MTPN: variants seen among roughly 807,000 people sequenced by gnomAD.
The protein encoded by MTPN is granule cell differentiation protein.
Under a neutral mutation model 13.5 loss-of-function variants are expected in MTPN, and 2 were observed. That is an observed-to-expected ratio of 0.15 (90% CI 0.06 to 0.47). MTPN has a LOEUF of 0.47. Among genes scored for constraint, MTPN ranks in the 20% least tolerant of loss-of-function variants. The pLI, the probability that MTPN is intolerant of heterozygous loss-of-function variation, is 0.97. For synonymous variants in MTPN, 46 were observed against 51.7 expected (o/e 0.89, Z 0.48); for missense variants, 79 against 137.9 (o/e 0.57, Z 2.14).
chr7:135,951,723 G>A (rs1035601666), intron 1 of MTPN, 93 bp from the exon 2 acceptor site: 27 of 733,506 alleles, frequency 3.7e-5, no homozygotes, highest in Admixed American at 8.2e-5. Flanking sequence ...TCTTAAAGCC[G>A]TGAGAGTTTC....
Position 135,927,209 on chromosome 7 carries a change from CCTA to C in MTPN, c.*2714_*2716del, listed in dbSNP as rs1168566711. 3.5e-6 allele frequency: 4 copies of C among 1,152,724 alleles called. No homozygotes were observed. The African/African-American group carries it at 6.3e-5, about 18-fold the overall frequency. 71.4% of individuals were successfully genotyped at this position (1,152,724 alleles called of 1,614,324 possible). A position where few individuals can be genotyped will look rare whatever the true frequency, so the allele number is the denominator to read the frequency against. ...GGAAAAGATATCAATGAATAAAAGGCCTACTTGTTTGCAGCTTCCACACACTGC... is the reference window on the plus strand; with the variant it reads ...GGAAAAGATATCAATGAATAAAAGGCCTTGTTTGCAGCTTCCACACACTGC... On this transcript the variant is annotated 3_prime_UTR_variant, in exon 4 of 4. Coordinates refer to ENST00000393085, the MANE Select transcript of MTPN (RefSeq NM_145808.4).
At chr7:135,962,752 A>G (rs1799544992) in intron 1 of MTPN, among the ~76,000 whole-genome samples, 1 of 152,054 alleles carries the variant, frequency 6.6e-6, no homozygotes, top group African/African-American at 2.4e-5. Context: ...TCACTAGATT[A>G]GTACTTCTTA....
At chr7:135,959,232 T>C (rs1425703164) in intron 1 of MTPN, among the ~76,000 whole-genome samples, 3 of 152,190 alleles carry the variant, frequency 2.0e-5, no homozygotes, top group African/African-American at 7.2e-5. Flanking sequence ...ATTCTAGACA[T>C]GCAATAAATA....
At chr7:135,934,156 C>A (rs746053450) in intron 3 of MTPN, among the ~76,000 whole-genome samples, 4 of 152,064 alleles carry the variant, frequency 2.6e-5, no homozygotes, top group African/African-American at 7.3e-5. Context: ...ATTCATGAAC[C>A]AATCTGTTAC....
intron 1 of MTPN, among the ~76,000 whole-genome samples, chr7:135,957,380 G>A (rs1347409787): frequency 1.3e-5 from 2 of 151,928 alleles, no homozygotes; most frequent in African/African-American, 4.8e-5. Context: ...GAAAGTCTAT[G>A]TGAAATTCTA....
intron 1 of MTPN, among the ~76,000 whole-genome samples, chr7:135,959,206 T>C (rs1162325124): frequency 1.3e-5 from 2 of 148,954 alleles, no homozygotes; most frequent in East Asian, 1.9e-4. Flanking sequence ...GGATGTACCA[T>C]AGTTTACTTA....
chr7:135,954,176 G>C (rs1015087668), intron 1 of MTPN, among the ~76,000 whole-genome samples: 1 of 152,142 alleles, frequency 6.6e-6, no homozygotes, highest in Non-Finnish European at 1.5e-5. Flanking sequence ...GATAACCTAT[G>C]CAGTGTTTAG....
chr7:135,930,055 G>C, intron 3 of MTPN, 43 bp from the exon 4 acceptor site: 1 of 1,529,242 alleles, frequency 6.5e-7, no homozygotes, highest in Non-Finnish European at 9.0e-7. Context: ...GCCCACAACT[G>C]GGGGAAGGGA....
At chr7:135,955,548 C>A (rs1018248786) in intron 1 of MTPN, among the ~76,000 whole-genome samples, 1 of 152,060 alleles carries the variant, frequency 6.6e-6, no homozygotes, top group Non-Finnish European at 1.5e-5. Context: ...AAAATGGAAG[C>A]GATGGGATGT....
At chr7:135,956,806 TA>T (rs2116385930) in intron 1 of MTPN, among the ~76,000 whole-genome samples, 1 of 152,280 alleles carries the variant, frequency 6.6e-6, no homozygotes, top group South Asian at 2.1e-4. Flanking sequence ...GCTCTTCCAC[TA>T]AAAAAGCAAA....
rs566837974 is a variant in MTPN at position 135,968,651 on chromosome 7, ATCC to A, written c.72+8375_72+8377del. On this transcript the variant is annotated intron_variant, in intron 1 of 3. Transcript: ENST00000393085. ...ATGGCACATTCTCACAGTGCATGAC[ATCC>A]TCCTAAGATGATTCATAAAGAATTA... Among the ~76,000 whole-genome samples the A allele has an allele frequency of 2.7e-3, 404 of 152,016 alleles. 1 individual carries two copies. Among genetic ancestry groups the A allele is most frequent in the African/African-American group, 9.2e-3 (381 of 41,450 alleles).
intron 3 of MTPN, among the ~76,000 whole-genome samples, chr7:135,938,951 T>C (rs1215977472): frequency 6.6e-6 from 1 of 152,128 alleles, no homozygotes; most frequent in Non-Finnish European, 1.5e-5. Flanking sequence ...CTATCCAAAA[T>C]AGTTATTTTT....
intron 3 of MTPN, among the ~76,000 whole-genome samples, chr7:135,943,035 C>G (rs11767713): frequency 0.079 from 11,976 of 152,214 alleles, 535 homozygotes; most frequent in Admixed American, 0.1. Context: ...CTCTGGTAGG[C>G]CCTTTATGAC....
In MTPN at chr7:135,935,188, T is replaced by G. The variant is rs149775920; in HGVS notation, c.271-5176A>C. 1.5e-3 allele frequency among the ~76,000 whole-genome samples: 222 copies of G among 152,308 alleles called. 1 individual carries two copies. Among genetic ancestry groups the G allele is most frequent in the Middle Eastern group, 6.8e-3 (2 of 294 alleles). On this transcript the variant is annotated intron_variant, in intron 3 of 3. Coordinates refer to ENST00000393085, the MANE Select transcript of MTPN (RefSeq NM_145808.4). The stretch of plus-strand genomic sequence containing the variant: ...TTCCCATCTGTCCTTGGTTCTCCAT[T>G]GCTACCATCACTTTTTTAGTTCAGG...
At chr7:135,944,375 T>G (rs1352825358) in intron 3 of MTPN, among the ~76,000 whole-genome samples, 1 of 152,060 alleles carries the variant, frequency 6.6e-6, no homozygotes, top group Non-Finnish European at 1.5e-5. Flanking sequence ...TATGTTAATA[T>G]TAGAAATGTG....
intron 2 of MTPN, 34 bp downstream of exon 2, chr7:135,951,483 A>T (rs781013272): frequency 6.8e-7 from 1 of 1,467,490 alleles, no homozygotes; most frequent in Non-Finnish European, 9.4e-7. Flanking sequence ...ATTAACAGAA[A>T]ATTTTTTCAA....
intron 1 of MTPN, among the ~76,000 whole-genome samples, chr7:135,965,438 A>G (rs1799590250): frequency 6.6e-6 from 1 of 152,098 alleles, no homozygotes; most frequent in Non-Finnish European, 1.5e-5. Context: ...AATAAATAAT[A>G]AAAAATATTT....
chr7:135,949,940 A>G (rs1462871065), intron 3 of MTPN, among the ~76,000 whole-genome samples: 1 of 152,222 alleles, frequency 6.6e-6, no homozygotes, highest in African/African-American at 2.4e-5. Flanking sequence ...AATACTAGTG[A>G]TAATACTGTA....
intron 1 of MTPN, among the ~76,000 whole-genome samples, chr7:135,960,405 C>G (rs961301157): frequency 6.6e-6 from 1 of 151,874 alleles, no homozygotes. Context: ...TATAAAAGAT[C>G]GGGTGAACAA....
Sources: allele counts gnomAD v4.1 joint callset (sites outside exome capture counted in the v4.1 genomes callset), GRCh38; gene constraint gnomAD v4.1.1; transcripts MANE v1.5; gene names NCBI Gene and HGNC (gene_info 2026-07-23, HGNC 2026-07-21).